The following DLGAP4 variants were observed in gnomAD, a reference collection of about 807,000 sequenced individuals.
DLGAP4 encodes the protein disks large-associated protein 4.
A neutral mutation model predicts 86.9 loss-of-function variants in DLGAP4; 18 were observed. That is an observed-to-expected ratio of 0.21 (90% CI 0.14 to 0.31). The LOEUF (loss-of-function observed/expected upper bound fraction) is 0.31. DLGAP4 is among the 10% of genes least tolerant of loss of function. The probability of loss-of-function intolerance (pLI) is 1.00; values close to 1 mark genes in which losing one functional copy is unlikely to be tolerated. For synonymous variants in DLGAP4, 548 were observed against 574.3 expected (o/e 0.95, Z 0.65); for missense variants, 1,085 against 1,362.6 (o/e 0.80, Z 3.21).
intron 2 of DLGAP4, among the ~76,000 whole-genome samples, chr20:36,424,876 T>G (rs1258546705): frequency 6.6e-6 from 1 of 152,084 alleles, no homozygotes; most frequent in South Asian, 2.1e-4. Context: ...GCTGGGATTA[T>G]AGGCTCAAGC....
chr20:36,381,785 G>A (rs541900149), intron 2 of DLGAP4, among the ~76,000 whole-genome samples: 1 of 152,278 alleles, frequency 6.6e-6, no homozygotes, highest in East Asian at 1.9e-4. Flanking sequence ...ATGATGGTGG[G>A]TGTCTCATAA....
intron 7 of DLGAP4, among the ~76,000 whole-genome samples, chr20:36,456,681 C>G (rs2033886992): frequency 6.6e-6 from 1 of 152,216 alleles, no homozygotes. Context: ...CTACTGTGTG[C>G]TGAGTATATG....
intron 1 of DLGAP4, among the ~76,000 whole-genome samples, chr20:36,356,285 T>C (rs2030323394): frequency 6.6e-6 from 1 of 151,910 alleles, no homozygotes; most frequent in Non-Finnish European, 1.5e-5. Flanking sequence ...CAGCTTGAGA[T>C]GGTTTCATTG....
At chr20:36,356,600 C>G (rs910009067) in intron 1 of DLGAP4, among the ~76,000 whole-genome samples, 5 of 151,752 alleles carry the variant, frequency 3.3e-5, no homozygotes, top group African/African-American at 7.3e-5. Flanking sequence ...GGTGAGCCAC[C>G]GCGCCTGGCC....
chr20:36,522,763 G>A (rs1037339163), intron 10 of DLGAP4, among the ~76,000 whole-genome samples: 3 of 152,016 alleles, frequency 2.0e-5, no homozygotes, highest in Non-Finnish European at 2.9e-5. Flanking sequence ...TGATCCACCC[G>A]CCTCAGCCTC....
Position 36,340,178 on chromosome 20 carries a change from C to T in DLGAP4, c.-303-26867C>T, listed in dbSNP as rs184821702. Among the ~76,000 whole-genome samples the T allele has an allele frequency of 8.5e-5, 13 of 152,232 alleles. No individual in the cohort carries two copies. In the East Asian group the frequency reaches 2.1e-3, roughly 25 times the overall value. On this transcript the variant is annotated intron_variant, in intron 1 of 12. Coordinates refer to ENST00000339266, the MANE Select transcript of DLGAP4 (RefSeq NM_001365621.2). ...GGGAACAGAGCCCCAAGTATGAGTG[C>T]GGTAGGAGGGGCCCCACATCCCCAA...
intron 2 of DLGAP4, among the ~76,000 whole-genome samples, chr20:36,413,936 G>A (rs1331429898): frequency 6.6e-6 from 1 of 152,174 alleles, no homozygotes; most frequent in East Asian, 1.9e-4. Context: ...CAGCTGACAT[G>A]CATAGGGTCA....
intron 2 of DLGAP4, among the ~76,000 whole-genome samples, chr20:36,404,281 C>T (rs2032247459): frequency 6.6e-6 from 1 of 152,114 alleles, no homozygotes; most frequent in Non-Finnish European, 1.5e-5. Context: ...GTAGGGTGAA[C>T]TCAGGGTCAG....
intron 7 of DLGAP4, among the ~76,000 whole-genome samples, chr20:36,491,557 A>G (rs888025557): frequency 2.0e-5 from 3 of 151,970 alleles, no homozygotes; most frequent in African/African-American, 7.2e-5. Context: ...AAACCCATGC[A>G]TGTGTAAAGG....
intron 1 of DLGAP4, among the ~76,000 whole-genome samples, chr20:36,364,190 C>A (rs1034940958): frequency 9.2e-5 from 14 of 152,186 alleles, no homozygotes; most frequent in Non-Finnish European, 1.6e-4. Context: ...GTGGGAGGAC[C>A]CTTTAAGGCC....
chr20:36,451,383 C>T (rs2033731629), intron 7 of DLGAP4, among the ~76,000 whole-genome samples: 1 of 152,178 alleles, frequency 6.6e-6, no homozygotes, highest in Non-Finnish European at 1.5e-5. Context: ...GAGTCTCGCT[C>T]TCTGTCGCCC....
chr20:36,511,892 T>A (rs1037318561), intron 10 of DLGAP4, among the ~76,000 whole-genome samples: 172 of 142,860 alleles, frequency 1.2e-3, no homozygotes, highest in African/African-American at 4.4e-3. Context: ...AAAAAAAAAA[T>A]GCATAGTCTA....
intron 7 of DLGAP4, among the ~76,000 whole-genome samples, chr20:36,454,380 T>G (rs868669077): frequency 7.2e-5 from 11 of 152,266 alleles, no homozygotes; most frequent in Middle Eastern, 3.4e-3. Context: ...TTGCCAGAAA[T>G]TTGTCATAAT....
intron 6 of DLGAP4, among the ~76,000 whole-genome samples, chr20:36,443,606 C>A (rs541679166): frequency 6.6e-6 from 1 of 152,248 alleles, no homozygotes; most frequent in African/African-American, 2.4e-5. Flanking sequence ...CCACAGTGGG[C>A]CAAGCGACCT....
chr20:36,344,771 A>G (rs2029888633), intron 1 of DLGAP4, among the ~76,000 whole-genome samples: 1 of 152,192 alleles, frequency 6.6e-6, no homozygotes, highest in Non-Finnish European at 1.5e-5. Flanking sequence ...GTGAGGTCCT[A>G]TTCAGTGGGA....
chr20:36,352,419 G>C (rs1569467958), intron 1 of DLGAP4, among the ~76,000 whole-genome samples: 1 of 151,582 alleles, frequency 6.6e-6, no homozygotes, highest in East Asian at 1.9e-4. Flanking sequence ...CTCTAATTTG[G>C]GGGAGAGGTG....
intron 6 of DLGAP4, 74 bp from the exon 7 acceptor site, chr20:36,446,623 C>A: frequency 6.9e-7 from 1 of 1,440,848 alleles, no homozygotes; most frequent in Non-Finnish European, 9.4e-7. Flanking sequence ...CTGCCCTGAG[C>A]CCACCACCAA....
At chr20:36,411,091 A>G (rs542564331) in intron 2 of DLGAP4, among the ~76,000 whole-genome samples, 51 of 152,294 alleles carry the variant, frequency 3.3e-4, no homozygotes, top group Non-Finnish European at 6.3e-4. Context: ...CCTGGGTTCA[A>G]GCAATTCTCC....
intron 4 of DLGAP4, among the ~76,000 whole-genome samples, chr20:36,436,826 AAAAG>A (rs1363856951): frequency 4.0e-4 from 61 of 150,998 alleles, no homozygotes; most frequent in African/African-American, 1.1e-3. Flanking sequence ...AAAAAAAAAA[AAAAG>A]AAAGAAAGAA....
Sources: allele counts gnomAD v4.1 joint callset (sites outside exome capture counted in the v4.1 genomes callset), GRCh38; gene constraint gnomAD v4.1.1; transcripts MANE v1.5; gene names NCBI Gene and HGNC (gene_info 2026-07-23, HGNC 2026-07-21).